RARB: variants seen among roughly 807,000 people sequenced by gnomAD.
The protein encoded by RARB is HBV-activated protein.
Under a neutral mutation model 51.9 loss-of-function variants are expected in RARB, and 17 were observed. The ratio of observed to expected loss-of-function variants is 0.33; its 90% CI spans 0.22 to 0.49. The LOEUF is 0.49. Among genes scored for constraint, RARB ranks in the 20% least tolerant of loss-of-function variants. The pLI, the probability that RARB is intolerant of heterozygous loss-of-function variation, is 0.99. For synonymous variants in RARB, 215 were observed against 195.4 expected, an observed-to-expected ratio of 1.10 and a Z score of -0.84; for missense variants, 369 against 550.8, an observed-to-expected ratio of 0.67 and a Z score of 3.30.
chr3:25,215,456 C>T (rs879130893), intron 5 of RARB, among the ~76,000 whole-genome samples: 1 of 152,062 alleles, frequency 6.6e-6, no homozygotes, highest in African/African-American at 2.4e-5. Flanking sequence ...CAGTACTGAC[C>T]ATTCACATAG....
intron 3 of RARB, among the ~76,000 whole-genome samples, chr3:25,511,350 C>T (rs1370150489): frequency 6.6e-6 from 1 of 152,132 alleles, no homozygotes; most frequent in Non-Finnish European, 1.5e-5. Flanking sequence ...CCAGGATGGT[C>T]TCAATCTCCT....
At chr3:25,093,206 A>T (rs1699231090) in intron 3 of RARB, among the ~76,000 whole-genome samples, 3 of 152,196 alleles carry the variant, frequency 2.0e-5, no homozygotes, top group African/African-American at 7.2e-5. Flanking sequence ...TCAATGATCC[A>T]GCATTATATA....
intron 5 of RARB, among the ~76,000 whole-genome samples, chr3:25,584,422 A>G (rs940024978): frequency 4.6e-5 from 7 of 152,206 alleles, no homozygotes; most frequent in Non-Finnish European, 7.3e-5. Flanking sequence ...TTGTTTCTGT[A>G]GCTCAGACAC....
intron 5 of RARB, among the ~76,000 whole-genome samples, chr3:25,197,472 G>C (rs1701273874): frequency 6.6e-6 from 1 of 151,770 alleles, no homozygotes; most frequent in Non-Finnish European, 1.5e-5. Context: ...TAGAAAGAAA[G>C]GCATCCAAAT....
chr3:24,963,330 C>T (rs975669727), intron 2 of RARB, among the ~76,000 whole-genome samples: 2 of 151,148 alleles, frequency 1.3e-5, no homozygotes, highest in African/African-American at 4.9e-5. Flanking sequence ...AACGCTCTCA[C>T]AGAGGCAAGA....
chr3:25,392,715 T>C (rs1707000467), intron 5 of RARB, among the ~76,000 whole-genome samples: 1 of 152,164 alleles, frequency 6.6e-6, no homozygotes, highest in African/African-American at 2.4e-5. Context: ...ATAGCAGTGC[T>C]ACTGATTTGT....
Position 25,597,189 on chromosome 3 carries a change from T to C in RARB, c.*573T>C, listed in dbSNP as rs1701871765. 1 of 152,656 alleles carries C rather than the reference T, an allele frequency of 6.6e-6. No individual in the cohort carries two copies. Among genetic ancestry groups the C allele is most frequent in the Admixed American group, 6.5e-5 (1 of 15,288 alleles). The allele number at this position is 152,656 out of a possible 1,614,324, so 9.5% of individuals were successfully genotyped here. A position where few individuals can be genotyped will look rare whatever the true frequency, so the allele number is the denominator to read the frequency against. ...AGATAAGGCTGAAGATATTCTACTT[T>C]AGTTAGTATGGAAGCTTGTCTTTGC... On this transcript the variant is annotated 3_prime_UTR_variant, in exon 8 of 8. Coordinates refer to ENST00000330688, the MANE Select transcript of RARB (RefSeq NM_000965.5).
chr3:25,232,632 A>G (rs986202008), intron 5 of RARB, among the ~76,000 whole-genome samples: 2 of 152,174 alleles, frequency 1.3e-5, no homozygotes, highest in South Asian at 2.1e-4. Flanking sequence ...TATAAATGGT[A>G]CTTTTTAAAA....
At chr3:25,506,272 A>C (rs1697590549) in intron 3 of RARB, among the ~76,000 whole-genome samples, 1 of 148,434 alleles carries the variant, frequency 6.7e-6, no homozygotes, top group African/African-American at 2.5e-5. Flanking sequence ...AAAAAAAAAA[A>C]AAAACCAGCT....
chr3:25,311,367 T>A (rs1042859859), intron 5 of RARB, among the ~76,000 whole-genome samples: 1 of 152,254 alleles, frequency 6.6e-6, no homozygotes, highest in African/African-American at 2.4e-5. Context: ...TTTTAAAAGA[T>A]ACGGCACTAG....
intron 5 of RARB, among the ~76,000 whole-genome samples, chr3:25,403,054 T>C (rs908968315): frequency 1.3e-5 from 2 of 151,538 alleles, no homozygotes; most frequent in African/African-American, 4.9e-5. Context: ...TCCCAGCTAC[T>C]TGGGAGGCCT....
At chr3:25,563,820 C>G (rs1700369672) in intron 3 of RARB, among the ~76,000 whole-genome samples, 1 of 152,158 alleles carries the variant, frequency 6.6e-6, no homozygotes, top group African/African-American at 2.4e-5. Context: ...TAGCAAGGAG[C>G]TGAAGAGTCA....
intron 5 of RARB, among the ~76,000 whole-genome samples, chr3:25,592,738 G>T (rs1417089924): frequency 1.3e-5 from 2 of 152,218 alleles, no homozygotes; most frequent in East Asian, 3.8e-4. Flanking sequence ...CTTTTTGCCT[G>T]TAGAAATCCT....
chr3:24,935,153 T>A (rs1270297182), intron 2 of RARB, among the ~76,000 whole-genome samples: 1 of 152,178 alleles, frequency 6.6e-6, no homozygotes, highest in Non-Finnish European at 1.5e-5. Flanking sequence ...GCTGGCTGAT[T>A]TAATCCATAA....
chr3:25,330,088 T>G (rs1488302039), intron 5 of RARB, among the ~76,000 whole-genome samples: 1 of 151,582 alleles, frequency 6.6e-6, no homozygotes, highest in African/African-American at 2.4e-5. Flanking sequence ...TGGAAAACAC[T>G]CTGCAGGATA....
chr3:25,246,685 C>T (rs1460932080), intron 5 of RARB, among the ~76,000 whole-genome samples: 1 of 152,140 alleles, frequency 6.6e-6, no homozygotes, highest in East Asian at 1.9e-4. Context: ...GTGCTCCTCC[C>T]TCTGGAAGTT....
At chr3:25,357,137 A>G (rs1705767555) in intron 5 of RARB, among the ~76,000 whole-genome samples, 3 of 152,090 alleles carry the variant, frequency 2.0e-5, no homozygotes. Context: ...ACCAACAGTG[A>G]AAAAGCATTC....
intron 5 of RARB, among the ~76,000 whole-genome samples, chr3:25,419,079 C>G (rs1707786738): frequency 6.6e-6 from 1 of 151,632 alleles, no homozygotes; most frequent in African/African-American, 2.4e-5. Context: ...AGTGAGCAGT[C>G]CTGCAGAAGT....
intron 2 of RARB, chr3:25,020,158 T>C (rs1697602410): frequency 1.3e-5 from 2 of 149,292 alleles, no homozygotes; most frequent in Admixed American, 6.7e-5. Flanking sequence ...ATTATTATTT[T>C]ATTTGAGAGA....
Sources: allele counts gnomAD v4.1 joint callset (sites outside exome capture counted in the v4.1 genomes callset), GRCh38; gene constraint gnomAD v4.1.1; transcripts MANE v1.5; gene names NCBI Gene and HGNC (gene_info 2026-07-23, HGNC 2026-07-21).